The following RORA variants were observed in gnomAD, a reference collection of about 807,000 sequenced individuals.
The protein encoded by RORA is RAR related orphan receptor A.
In RORA, 7 loss-of-function variants were observed where a neutral mutation model predicts 69.5. The ratio of observed to expected loss-of-function variants is 0.10; its 90% CI spans 0.06 to 0.19. RORA has a LOEUF of 0.19. Ranked by LOEUF, RORA falls within the 10% of genes least tolerant of loss-of-function variation. RORA has a pLI of 1.00. For missense variants in RORA, 457 were observed against 663.0 expected (o/e 0.69, Z 3.41); for synonymous variants, 261 against 240.8 (o/e 1.08, Z -0.78).
chr15:60,766,394 A>G (rs2071992218), intron 1 of RORA, among the ~76,000 whole-genome samples: 1 of 152,234 alleles, frequency 6.6e-6, no homozygotes, highest in Non-Finnish European at 1.5e-5. Context: ...TCGACAGAAT[A>G]TACAAACTGG....
At chr15:61,102,202 T>C (rs1479861080) in intron 1 of RORA, among the ~76,000 whole-genome samples, 3 of 152,124 alleles carry the variant, frequency 2.0e-5, no homozygotes, top group Non-Finnish European at 2.9e-5. Flanking sequence ...TCAGCAGTTG[T>C]CAGCAGGGTG....
intron 1 of RORA, among the ~76,000 whole-genome samples, chr15:61,119,321 C>T (rs949110454): frequency 6.6e-6 from 1 of 151,682 alleles, no homozygotes; most frequent in Non-Finnish European, 1.5e-5. Flanking sequence ...CATCAGCCTC[C>T]TGAGTAGCTG....
chr15:61,002,246 A>C (rs948184210), intron 1 of RORA, among the ~76,000 whole-genome samples: 8 of 152,178 alleles, frequency 5.3e-5, no homozygotes, highest in African/African-American at 1.9e-4. Context: ...TGCCAAGCTT[A>C]CCTGTCAGCT....
rs1555435972 is a variant in RORA at position 60,597,573 on chromosome 15, T to TAC, written c.197-65724_197-65723dup. Among the ~76,000 whole-genome samples the TAC allele has an allele frequency of 2.1e-4, 8 of 38,246 alleles. 1 individual carries two copies. In the South Asian group the frequency reaches 6.4e-3, roughly 31 times the overall value. 25.1% of individuals were successfully genotyped at this position (38,246 alleles called of 152,430 possible). A position where few individuals can be genotyped will look rare whatever the true frequency, so the allele number is the denominator to read the frequency against. ...CAACATATATATATATATATATATATACACATATATATATATATATACACA... is the reference window on the plus strand; with the variant it reads ...CAACATATATATATATATATATATATACACACATATATATATATATATACACA... On this transcript the variant is annotated intron_variant, in intron 2 of 10. Transcript: ENST00000335670.
chr15:60,809,775 C>T (rs1234689750), intron 1 of RORA, among the ~76,000 whole-genome samples: 1 of 135,296 alleles, frequency 7.4e-6, no homozygotes, highest in Non-Finnish European at 1.6e-5. Context: ...TCTCTCTTTT[C>T]TGTATAATAT....
rs558082012 is a variant in RORA at position 61,192,098 on chromosome 15, C to G, written c.166+36955G>C. The stretch of plus-strand genomic sequence containing the variant: ...CAGAGGTCGTGTCAGCACATGTCAC[C>G]CTTAACCAACACGGTGCTATTTAAG... On this transcript the variant is annotated intron_variant, in intron 1 of 10. Coordinates refer to ENST00000335670, the MANE Select transcript of RORA (RefSeq NM_134261.3). Among the ~76,000 whole-genome samples, 4 of 152,292 alleles carry G rather than the reference C, an allele frequency of 2.6e-5. No individual in the cohort carries two copies. In the East Asian group the frequency reaches 7.7e-4, roughly 29 times the overall value.
At chr15:60,839,996 T>G (rs2073174560) in intron 1 of RORA, among the ~76,000 whole-genome samples, 2 of 152,046 alleles carry the variant, frequency 1.3e-5, no homozygotes, top group South Asian at 4.2e-4. Flanking sequence ...AGTTACGCCC[T>G]GTTGTGGGTA....
At chr15:60,642,044 C>A (rs2069953472) in intron 2 of RORA, among the ~76,000 whole-genome samples, 1 of 152,136 alleles carries the variant, frequency 6.6e-6, no homozygotes, top group Non-Finnish European at 1.5e-5. Flanking sequence ...AGTGACCCCA[C>A]AATATAACAC....
intron 1 of RORA, among the ~76,000 whole-genome samples, chr15:61,093,220 T>C (rs199713452): frequency 1.3e-5 from 2 of 152,080 alleles, no homozygotes; most frequent in East Asian, 3.9e-4. Flanking sequence ...TCTTTAAGAG[T>C]TTTCTTAAAT....
At chr15:60,837,033 T>G (rs954787866) in intron 1 of RORA, among the ~76,000 whole-genome samples, 1 of 122,800 alleles carries the variant, frequency 8.1e-6, no homozygotes, top group Non-Finnish European at 1.8e-5. Context: ...TATTCATACC[T>G]TGACCTTTTT....
At chr15:61,180,807 C>T (rs1012958724) in intron 1 of RORA, among the ~76,000 whole-genome samples, 3 of 152,186 alleles carry the variant, frequency 2.0e-5, no homozygotes, top group African/African-American at 4.8e-5. Context: ...TAAAAATCCA[C>T]ACAAAGAAAG....
At chr15:61,064,602 C>T (rs1353207889) in intron 1 of RORA, among the ~76,000 whole-genome samples, 1 of 152,196 alleles carries the variant, frequency 6.6e-6, no homozygotes, top group Non-Finnish European at 1.5e-5. Flanking sequence ...CTCTTTTTAA[C>T]AGCCTCTCCA....
At chr15:60,785,290 G>T (rs2072319573) in intron 1 of RORA, among the ~76,000 whole-genome samples, 1 of 152,178 alleles carries the variant, frequency 6.6e-6, no homozygotes, top group Admixed American at 6.5e-5. Context: ...TCTACCAGGA[G>T]GCAGACTTGT....
intron 1 of RORA, among the ~76,000 whole-genome samples, chr15:61,071,230 A>G (rs867341847): frequency 2.3e-3 from 36 of 15,362 alleles, no homozygotes; most frequent in Admixed American, 3.6e-3. Flanking sequence ...GGGGAAGGGA[A>G]GGGAGGGGAG....
At chr15:60,503,386 GA>G in intron 7 of RORA, 148 bp downstream of exon 7, 1 of 696,758 alleles carries the variant, frequency 1.4e-6, no homozygotes, top group Non-Finnish European at 2.3e-6. Flanking sequence ...TAAAACCTTT[GA>G]AAAGAACTCC....
intron 1 of RORA, among the ~76,000 whole-genome samples, chr15:60,820,782 T>C (rs1413040275): frequency 1.3e-5 from 2 of 152,204 alleles, no homozygotes; most frequent in Non-Finnish European, 2.9e-5. Flanking sequence ...TGGTTTTTCA[T>C]TACTGAGGTT....
At chr15:61,069,395 A>G (rs2140583616) in intron 1 of RORA, among the ~76,000 whole-genome samples, 1 of 152,318 alleles carries the variant, frequency 6.6e-6, no homozygotes, top group Middle Eastern at 3.4e-3. Flanking sequence ...CCCAAAGGAG[A>G]AAAAAGCAAA....
chr15:60,623,396 TA>T (rs1184798524), intron 2 of RORA, among the ~76,000 whole-genome samples: 2 of 152,234 alleles, frequency 1.3e-5, no homozygotes, highest in Non-Finnish European at 2.9e-5. Flanking sequence ...GATACATTTT[TA>T]AAAGCAGAAA....
At chr15:60,881,358 C>T (rs2073678199) in intron 1 of RORA, among the ~76,000 whole-genome samples, 2 of 152,256 alleles carry the variant, frequency 1.3e-5, no homozygotes, top group Admixed American at 1.3e-4. Context: ...CTGACCAGCC[C>T]TGCTGGGACC....
Sources: allele counts gnomAD v4.1 joint callset (sites outside exome capture counted in the v4.1 genomes callset), GRCh38; gene constraint gnomAD v4.1.1; transcripts MANE v1.5; gene names NCBI Gene and HGNC (gene_info 2026-07-23, HGNC 2026-07-21).